Variants in PTPRD observed in about 807,000 individuals in gnomAD.
PTPRD encodes the protein receptor-type tyrosine-protein phosphatase delta.
PTPRD carries 34 observed loss-of-function variants against 214.5 expected under a neutral mutation model. The ratio of observed to expected loss-of-function variants is 0.16; its 90% CI spans 0.12 to 0.21. The LOEUF (loss-of-function observed/expected upper bound fraction) is 0.21. Ranked by LOEUF, PTPRD falls within the 10% of genes least tolerant of loss-of-function variation. The pLI is 1.00. For synonymous variants in PTPRD, 1,128 were observed against 845.7 expected, an observed-to-expected ratio of 1.33 and a Z score of -5.79; for missense variants, 2,545 against 2,398.7, an observed-to-expected ratio of 1.06 and a Z score of -1.27.
At position 8,404,845 on chromosome 9, in the gene PTPRD, C is replaced by T. The variant is rs147990068; in HGVS notation, c.4087-185G>A. ...CATAACAAAAAATGGTTAATCACTG[C>T]AGAAACAGTGATAGTCACCAACATT... On this transcript the variant is annotated intron_variant, in intron 35 of 45. Coordinates refer to ENST00000381196, the MANE Select transcript of PTPRD (RefSeq NM_002839.4). 4.6e-5 allele frequency among the ~76,000 whole-genome samples: 7 copies of T among 152,228 alleles called. No individual in the cohort carries two copies. The South Asian group carries it at 1.0e-3, about 23-fold the overall frequency.
chr9:10,518,799 T>C (rs1038636422), intron 2 of PTPRD, among the ~76,000 whole-genome samples: 3 of 152,206 alleles, frequency 2.0e-5, no homozygotes, highest in South Asian at 4.1e-4. Flanking sequence ...CCCAAAGTGC[T>C]GGGATTACAG....
chr9:9,905,057 C>CT (rs1299379653), intron 5 of PTPRD, among the ~76,000 whole-genome samples: 1 of 152,002 alleles, frequency 6.6e-6, no homozygotes, highest in East Asian at 1.9e-4. Flanking sequence ...TCATTGTGAT[C>CT]TACTCAGTAG....
At position 9,919,047 on chromosome 9, in the gene PTPRD, T is replaced by G. The variant is rs939697627; in HGVS notation, c.-368+19460A>C. Reference sequence around the variant, plus strand: ...GGAGATAGAATAACATCTGGCAGCCTTTTATTTGCTAATGTTAAACAACTA... The same window carrying G: ...GGAGATAGAATAACATCTGGCAGCCGTTTATTTGCTAATGTTAAACAACTA... On this transcript the variant is annotated intron_variant, in intron 5 of 45. Transcript: ENST00000381196. 2.0e-5 allele frequency among the ~76,000 whole-genome samples: 3 copies of G among 152,266 alleles called. No individual in the cohort carries two copies. The East Asian group carries it at 5.8e-4, about 29-fold the overall frequency.
chr9:9,919,176 A>G (rs1274772501), intron 5 of PTPRD, among the ~76,000 whole-genome samples: 1 of 152,058 alleles, frequency 6.6e-6, no homozygotes, highest in Non-Finnish European at 1.5e-5. Context: ...TTTTGCTCCT[A>G]ATTTTTTGTT....
intron 8 of PTPRD, among the ~76,000 whole-genome samples, chr9:9,560,253 G>C (rs917232859): frequency 1.3e-5 from 2 of 152,204 alleles, no homozygotes; most frequent in Admixed American, 1.3e-4. Flanking sequence ...ACCACAGTAG[G>C]TGGTCTCTGG....
chr9:8,623,315 CTCT>C (rs1193708535), intron 14 of PTPRD, among the ~76,000 whole-genome samples: 1 of 151,892 alleles, frequency 6.6e-6, no homozygotes, highest in Non-Finnish European at 1.5e-5. Flanking sequence ...ATCTAATTTT[CTCT>C]TAAGTATACT....
intron 10 of PTPRD, among the ~76,000 whole-genome samples, chr9:9,020,829 A>G (rs903546316): frequency 6.6e-6 from 1 of 152,152 alleles, no homozygotes; most frequent in African/African-American, 2.4e-5. Context: ...ATGAGAATAG[A>G]TAAAAGCACC....
At chr9:9,744,580 T>C (rs1459729063) in intron 6 of PTPRD, among the ~76,000 whole-genome samples, 1 of 152,006 alleles carries the variant, frequency 6.6e-6, no homozygotes, top group Non-Finnish European at 1.5e-5. Flanking sequence ...TCTAATGACA[T>C]AAGTGAACAC....
chr9:9,618,638 G>C (rs548550845), intron 7 of PTPRD, among the ~76,000 whole-genome samples: 2 of 152,230 alleles, frequency 1.3e-5, no homozygotes, highest in East Asian at 3.9e-4. Flanking sequence ...AGTGAAAGTA[G>C]TAAGATAATA....
At chr9:9,601,111 ATGTGTGTGTGTGTGTGTGTGTG>A (rs140016979) in intron 7 of PTPRD, among the ~76,000 whole-genome samples, 2 of 97,530 alleles carry the variant, frequency 2.1e-5, no homozygotes, top group East Asian at 7.9e-4. Flanking sequence ...AGATTAATAT[ATGTGTGTGTGTGTGTGTGTGTG>A]TGTGTGTGTG....
chr9:9,416,726 T>C (rs1218228073), intron 8 of PTPRD, among the ~76,000 whole-genome samples: 1 of 152,168 alleles, frequency 6.6e-6, no homozygotes, highest in East Asian at 1.9e-4. Context: ...AATCTATTGT[T>C]GTTCTACCCA....
intron 9 of PTPRD, among the ~76,000 whole-genome samples, chr9:9,234,933 C>G (rs1569565048): frequency 6.6e-6 from 1 of 152,174 alleles, no homozygotes; most frequent in Non-Finnish European, 1.5e-5. Flanking sequence ...CAAAGTTGCT[C>G]TCACATTTTT....
chr9:10,583,952 A>G (rs2073009838), intron 2 of PTPRD, among the ~76,000 whole-genome samples: 1 of 152,154 alleles, frequency 6.6e-6, no homozygotes, highest in Admixed American at 6.5e-5. Flanking sequence ...TTCCCACTGA[A>G]AACATGGGAT....
chr9:8,485,718 G>A (rs2135894369), intron 28 of PTPRD, 44 bp downstream of exon 28: 5 of 1,493,592 alleles, frequency 3.3e-6, no homozygotes, highest in Non-Finnish European at 4.6e-6. Context: ...TCCAAAGACT[G>A]ACAATCCTTT....
At chr9:9,184,473 C>T (rs973679969) in intron 9 of PTPRD, among the ~76,000 whole-genome samples, 1 of 152,034 alleles carries the variant, frequency 6.6e-6, no homozygotes. Context: ...TCTCCAGCCA[C>T]AGCTTTCAGG....
At chr9:10,078,315 A>G (rs1474016703) in intron 3 of PTPRD, among the ~76,000 whole-genome samples, 5 of 149,260 alleles carry the variant, frequency 3.3e-5, no homozygotes, top group African/African-American at 4.9e-5. Context: ...GTTCGAGACC[A>G]GCCTAACCAA....
At chr9:9,850,567 A>G (rs1167397588) in intron 5 of PTPRD, among the ~76,000 whole-genome samples, 1 of 152,026 alleles carries the variant, frequency 6.6e-6, no homozygotes, top group East Asian at 1.9e-4. Flanking sequence ...TAAATAGACA[A>G]ATTAAAATTG....
In PTPRD at chr9:9,467,395, C is replaced by G. The variant is rs2094260118; in HGVS notation, c.-236-69913G>C. 6.0e-5 allele frequency among the ~76,000 whole-genome samples: 9 copies of G among 150,866 alleles called. No individual in the cohort carries two copies. In the South Asian group the frequency reaches 1.9e-3, roughly 32 times the overall value. ...CTGAGGTCAGGAGTTCAAGACCACCCTGGTCAACATAGTGAAATCTGTCTC... is the reference window on the plus strand; with the variant it reads ...CTGAGGTCAGGAGTTCAAGACCACCGTGGTCAACATAGTGAAATCTGTCTC... On this transcript the variant is annotated intron_variant, in intron 8 of 45. Coordinates refer to ENST00000381196, the MANE Select transcript of PTPRD (RefSeq NM_002839.4).
chr9:9,275,064 T>C (rs191650407), intron 9 of PTPRD, among the ~76,000 whole-genome samples: 1 of 66,904 alleles, frequency 1.5e-5, no homozygotes, highest in Non-Finnish European at 2.8e-5. Context: ...TGTATATATA[T>C]ATTATATATA....
Sources: allele counts gnomAD v4.1 joint callset (sites outside exome capture counted in the v4.1 genomes callset), GRCh38; gene constraint gnomAD v4.1.1; transcripts MANE v1.5; gene names NCBI Gene and HGNC (gene_info 2026-07-23, HGNC 2026-07-21).